DTL: variants seen among roughly 807,000 people sequenced by gnomAD.
DTL encodes the protein denticleless E3 ubiquitin protein ligase adapter, also known as denticleless protein homolog.
Under a neutral mutation model 87.0 loss-of-function variants are expected in DTL, and 46 were observed. That is an observed-to-expected ratio of 0.53 (90% CI 0.42 to 0.68). The LOEUF (loss-of-function observed/expected upper bound fraction) is 0.68. Among genes scored for constraint, DTL ranks in the 30% least tolerant of loss-of-function variants. The probability of loss-of-function intolerance (pLI) is 0.00; values close to 1 mark genes in which losing one functional copy is unlikely to be tolerated. For synonymous variants in DTL, 308 were observed against 311.2 expected (o/e 0.99, Z 0.11); for missense variants, 737 against 869.4 (o/e 0.85, Z 1.91).
chr1:212,098,135 AGTGAAGTGGACTGT>A (rs2102586277), intron 13 of DTL, among the ~76,000 whole-genome samples: 2 of 152,226 alleles, frequency 1.3e-5, no homozygotes, highest in South Asian at 4.1e-4. Flanking sequence ...GTAGGAAAGG[AGTGAAGTGGACTGT>A]GTGAGAGTAC....
At chr1:212,052,612 C>CT (rs1668022903) in intron 5 of DTL, among the ~76,000 whole-genome samples, 1 of 145,198 alleles carries the variant, frequency 6.9e-6, no homozygotes, top group Non-Finnish European at 1.5e-5. Context: ...ACTCCACACT[C>CT]CAGCCTGGGC....
chr1:212,070,695 G>A lies in DTL; in HGVS notation c.923-1406G>A, dbSNP rs575325525. Among the ~76,000 whole-genome samples the A allele has an allele frequency of 9.2e-5, 14 of 151,504 alleles. No homozygotes were observed. The South Asian group carries it at 2.7e-3, about 29-fold the overall frequency. On this transcript the variant is annotated intron_variant, in intron 10 of 14. Coordinates refer to ENST00000366991, the MANE Select transcript of DTL (RefSeq NM_016448.4). ...TTGTCCTTTTCAAAACTTCTGAATC[G>A]ATCTTGGATTCGATACTTGATCTAC... is the stretch of plus-strand genomic sequence containing the variant.
intron 13 of DTL, among the ~76,000 whole-genome samples, chr1:212,096,695 G>C (rs1443346347): frequency 3.3e-5 from 5 of 152,154 alleles, no homozygotes; most frequent in Non-Finnish European, 5.9e-5. Flanking sequence ...ATTCCCTTTG[G>C]AGTTGACTTC....
intron 5 of DTL, among the ~76,000 whole-genome samples, chr1:212,060,205 A>C (rs554529226): frequency 6.6e-6 from 1 of 152,218 alleles, no homozygotes; most frequent in Non-Finnish European, 1.5e-5. Flanking sequence ...AAAGAACCCA[A>C]ATGCCAAAGC....
chr1:212,070,634 CTGTG>C (rs59056654), intron 10 of DTL, among the ~76,000 whole-genome samples: 1 of 149,142 alleles, frequency 6.7e-6, no homozygotes, highest in African/African-American at 2.5e-5. Flanking sequence ...TGAATGACAA[CTGTG>C]TGTGTGTGTG....
intron 1 of DTL, among the ~76,000 whole-genome samples, chr1:212,041,808 C>T (rs1667654797): frequency 6.6e-6 from 1 of 152,158 alleles, no homozygotes; most frequent in African/African-American, 2.4e-5. Flanking sequence ...CCGCGCCCGG[C>T]CTATTGCATT....
chr1:212,077,761 A>G (rs6658972), intron 11 of DTL: 149,987 of 156,720 alleles, frequency 0.96, 71,821 homozygotes, highest in East Asian at 1. Context: ...ATCTGAAGAT[A>G]TATATGCTGT....
At chr1:212,094,077 T>C (rs184244923) in intron 13 of DTL, among the ~76,000 whole-genome samples, 365 of 152,374 alleles carry the variant, frequency 2.4e-3, no homozygotes, top group African/African-American at 8.4e-3. Flanking sequence ...TGATTATTTC[T>C]TTTGCTGTGC....
Position 212,100,311 on chromosome 1 carries a change from T to A in DTL, c.1321T>A (p.Ser441Thr). Residue 441 changes from serine to threonine, a missense_variant, in exon 14 of 15, where the codon TCC becomes ACC. Ser to Thr is a moderately conservative substitution (Grantham distance 58, BLOSUM62 1). Coordinates refer to ENST00000366991, the MANE Select transcript of DTL (RefSeq NM_016448.4). ...AGCCCCCAGGGCAAAGTGCAATCCA[T>A]CCAATTCTTCCCCGTCATCCGCAGC... ...AKAPRAKCNP[S>T]NSSPSSAACA... is the part of the protein sequence containing the mutation. 6.2e-7 allele frequency: 1 copy of A among 1,610,800 alleles called. No homozygotes were observed. The highest frequency in any genetic ancestry group is 8.5e-7 in the Non-Finnish European group (1 of 1,178,478).
chr1:212,066,941 A>T, intron 8 of DTL, 56 bp downstream of exon 8: 1 of 1,387,356 alleles, frequency 7.2e-7, no homozygotes, highest in East Asian at 2.3e-5. Context: ...GATTGTGATG[A>T]GGCAGTCACA....
intron 13 of DTL, among the ~76,000 whole-genome samples, chr1:212,089,544 C>T (rs1406781191): frequency 4.6e-5 from 7 of 152,144 alleles, no homozygotes; most frequent in Non-Finnish European, 8.8e-5. Flanking sequence ...AAAGAGGATC[C>T]TGTTTCCACC....
At chr1:212,055,528 A>G (rs1222634104) in intron 5 of DTL, among the ~76,000 whole-genome samples, 1 of 152,084 alleles carries the variant, frequency 6.6e-6, no homozygotes, top group Non-Finnish European at 1.5e-5. Context: ...CCCTGAGTGG[A>G]GGGGCAGCTG....
chr1:212,094,186 C>G (rs1041957051), intron 13 of DTL, among the ~76,000 whole-genome samples: 1 of 152,268 alleles, frequency 6.6e-6, no homozygotes, highest in East Asian at 1.9e-4. Context: ...TAGGCCATGT[C>G]TAGATGAGTT....
intron 12 of DTL, among the ~76,000 whole-genome samples, chr1:212,080,176 C>T (rs1399384283): frequency 2.0e-5 from 3 of 152,164 alleles, no homozygotes; most frequent in African/African-American, 7.2e-5. Flanking sequence ...TCTGATCTTG[C>T]AAATGGTGCC....
intron 13 of DTL, among the ~76,000 whole-genome samples, chr1:212,098,555 G>A (rs1655517403): frequency 6.6e-6 from 1 of 152,092 alleles, no homozygotes; most frequent in African/African-American, 2.4e-5. Flanking sequence ...GTGTGTCTGA[G>A]CTCAGACTCC....
chr1:212,076,559 A>C (rs1007003316), intron 11 of DTL, among the ~76,000 whole-genome samples: 6 of 152,190 alleles, frequency 3.9e-5, no homozygotes, highest in Non-Finnish European at 7.4e-5. Flanking sequence ...ATGAAATTAA[A>C]AAGCTATAGG....
Position 212,100,289 on chromosome 1 carries a change from C to T in DTL, c.1299C>T (p.Ala433=), listed in dbSNP as rs1345410035. The T allele has an allele frequency of 6.3e-6, 10 of 1,596,442 alleles. No homozygotes were observed. Among genetic ancestry groups the T allele is most frequent in the Non-Finnish European group, 7.7e-6 (9 of 1,172,860 alleles). Reference sequence around the variant, plus strand: ...GTAGCCAGAGTACTCCTGCCAAAGCCCCCAGGGCAAAGTGCAATCCATCCA... The same window carrying T: ...GTAGCCAGAGTACTCCTGCCAAAGCTCCCAGGGCAAAGTGCAATCCATCCA... The part of the protein sequence containing the change: ...VTSSQSTPAK[A]PRAKCNPSNS... The change falls in exon 14 of 15, where the codon GCC becomes GCT. Residue 433 remains alanine (A), a synonymous_variant. Coordinates refer to ENST00000366991, the MANE Select transcript of DTL (RefSeq NM_016448.4).
intron 13 of DTL, among the ~76,000 whole-genome samples, chr1:212,086,761 A>T (rs1655141995): frequency 6.6e-6 from 1 of 152,228 alleles, no homozygotes; most frequent in South Asian, 2.1e-4. Context: ...TCCATAATTT[A>T]CCTAGCTATT....
intron 5 of DTL, among the ~76,000 whole-genome samples, chr1:212,059,552 AC>A (rs1668276913): frequency 6.6e-6 from 1 of 152,148 alleles, no homozygotes; most frequent in African/African-American, 2.4e-5. Context: ...TGACAGACTC[AC>A]AGTTAACACC....
Sources: gnomAD v4.1 joint callset for allele counts (sites outside exome capture counted in the v4.1 genomes callset) on GRCh38, gnomAD v4.1.1 for gene constraint, MANE v1.5 for transcripts, NCBI Gene and HGNC (gene_info 2026-07-23, HGNC 2026-07-21) for gene names.